ZC3HAV1: variants seen among roughly 807,000 people sequenced by gnomAD.
The protein encoded by ZC3HAV1 is zinc finger CCCH-type antiviral protein 1.
In ZC3HAV1, 41 loss-of-function variants were observed where a neutral mutation model predicts 86.6. That is an observed-to-expected ratio of 0.47 (90% CI 0.37 to 0.61). The LOEUF is 0.61. ZC3HAV1 is among the 20% of genes least tolerant of loss of function. The pLI is 0.00. For missense variants in ZC3HAV1, 964 were observed against 1,141.1 expected (o/e 0.84, Z 2.24); for synonymous variants, 421 against 432.1 (o/e 0.97, Z 0.32).
At chr7:139,068,756 T>C (rs574821149) in intron 7 of ZC3HAV1, among the ~76,000 whole-genome samples, 2 of 152,264 alleles carry the variant, frequency 1.3e-5, no homozygotes, top group African/African-American at 2.4e-5. Flanking sequence ...TGAACCCCGG[T>C]AGGTGGTGAA....
chr7:139,109,442 C>T lies in ZC3HAV1; in HGVS notation c.-111G>A. 2.9e-6 allele frequency: 4 copies of T among 1,362,574 alleles called. No homozygotes were observed. The highest frequency in any genetic ancestry group is 3.9e-6 in the Non-Finnish European group (4 of 1,037,342). 84.4% of individuals were successfully genotyped at this position (1,362,574 alleles called of 1,614,324 possible). A position where few individuals can be genotyped will look rare whatever the true frequency, so the allele number is the denominator to read the frequency against. ...GGGCGCGGGCGGTGCTACTGCTGGG[C>T]GCGCCCGGAGTCAGCGAGGGCGCGC... On this transcript the variant is annotated 5_prime_UTR_variant, in exon 1 of 13. Coordinates refer to ENST00000242351, the MANE Select transcript of ZC3HAV1 (RefSeq NM_020119.4).
intron 7 of ZC3HAV1, among the ~76,000 whole-genome samples, chr7:139,065,403 C>T (rs886882636): frequency 6.6e-6 from 1 of 152,224 alleles, no homozygotes; most frequent in Non-Finnish European, 1.5e-5. Context: ...GCTATTCTAG[C>T]CACGCACGGT....
In ZC3HAV1 at chr7:139,074,163, T is replaced by C; in HGVS notation, c.1698-133A>G. The C allele has an allele frequency of 3.7e-6, 3 of 801,886 alleles. No individual in the cohort carries two copies. In the South Asian group the frequency reaches 6.1e-5, roughly 16 times the overall value. 49.7% of individuals were successfully genotyped at this position (801,886 alleles called of 1,614,324 possible). On this transcript the variant is annotated intron_variant, in intron 6 of 12. Transcript: ENST00000242351. ...GATCTTCAAGTTTTCTTTCCATGGC[T>C]CCAGGTCCTACACATAAAAGAAAAA...
intron 11 of ZC3HAV1, 31 bp downstream of exon 11, chr7:139,053,934 T>G: frequency 6.3e-7 from 1 of 1,591,768 alleles, no homozygotes. Flanking sequence ...TCCGGTTTTA[T>G]GTAAAGAAAC....
chr7:139,092,406 A>C (rs1046492407), intron 1 of ZC3HAV1, among the ~76,000 whole-genome samples: 2 of 152,200 alleles, frequency 1.3e-5, no homozygotes, highest in African/African-American at 4.8e-5. Flanking sequence ...GGGTTAGTAA[A>C]AACAAGGTTG....
At position 139,047,642 on chromosome 7, in the gene ZC3HAV1, T is replaced by C; in HGVS notation, c.2661A>G (p.Pro887=). 2 of 1,614,090 alleles carry C rather than the reference T, an allele frequency of 1.2e-6. No individual in the cohort carries two copies. Among genetic ancestry groups the C allele is most frequent in the Non-Finnish European group, 1.7e-6 (2 of 1,180,016 alleles). The change falls in exon 13 of 13, where the codon CCA becomes CCG. Residue 887 remains proline, a synonymous_variant. Transcript: ENST00000242351. The stretch of plus-strand genomic sequence containing the variant: ...CTTCAGTATATTCAATCACATATTG[T>C]GGGTAAACCTGATCTTTCTGAAAGA... ...FVIFQKDQVY[P]QYVIEYTEDK... is the part of the protein sequence containing the mutation.
chr7:139,061,113 G>A lies in ZC3HAV1; in HGVS notation c.2019C>T (p.Ser673=). 6.2e-7 allele frequency: 1 copy of A among 1,613,432 alleles called. No homozygotes were observed. Among genetic ancestry groups the A allele is most frequent in the South Asian group, 1.1e-5 (1 of 91,042 alleles). Residue 673 remains serine (S), a synonymous_variant, in exon 9 of 13, where the codon TCC becomes TCT. Transcript: ENST00000242351. Reference sequence around the variant, plus strand: ...TTCTGATGACATCCTTTTGAGTTTTGGAAGCTATGTTTGTCTGAATCATCC... The same window carrying A: ...TTCTGATGACATCCTTTTGAGTTTTAGAAGCTATGTTTGTCTGAATCATCC... ...FQGMIQTNIA[S]KTQKDVIRRP...
chr7:139,047,674 A>G lies in ZC3HAV1; in HGVS notation c.2629T>C (p.Phe877Leu). 1 of 1,614,130 alleles carries G rather than the reference A, an allele frequency of 6.2e-7. No individual in the cohort carries two copies. The highest frequency in any genetic ancestry group is 8.5e-7 in the Non-Finnish European group (1 of 1,180,026). ...CVDTRSNPSV[F>L]VIFQKDQVYP... is the part of the protein sequence containing the mutation. Reference sequence around the variant, plus strand: ...ACCTGATCTTTCTGAAAGATGACAAAAACGGAGGGATTCGATCTGGTATCC... The same window carrying G: ...ACCTGATCTTTCTGAAAGATGACAAGAACGGAGGGATTCGATCTGGTATCC... Residue 877 changes from phenylalanine (F) to leucine (L), a missense_variant, in exon 13 of 13, where the codon TTT becomes CTT. By Grantham distance (22) the Phe-to-Leu change is conservative. Coordinates refer to ENST00000242351, the MANE Select transcript of ZC3HAV1 (RefSeq NM_020119.4).
rs1563123512 is a variant in ZC3HAV1 at position 139,054,056 on chromosome 7, C to T, written c.2227G>A (p.Val743Ile). The T allele has an allele frequency of 6.2e-7, 1 of 1,604,198 alleles. No individual in the cohort carries two copies. The highest frequency in any genetic ancestry group is 1.1e-5 in the South Asian group (1 of 88,266). ...IHHLHPEYVR[V>I]SEHFKASMKN... ...ATGGAAGCTTTAAAATGCTCACTTA[C>T]TCTGACATATTCTGGATGTAGGTGA... The change falls in exon 11 of 13, where the codon GTA becomes ATA. Residue 743 changes from valine (V) to isoleucine (I), a missense_variant. Val to Ile is a conservative substitution (Grantham distance 29, BLOSUM62 3). Transcript: ENST00000242351.
chr7:139,059,233 G>T (rs1428908626), intron 9 of ZC3HAV1, among the ~76,000 whole-genome samples: 1 of 152,128 alleles, frequency 6.6e-6, no homozygotes, highest in Non-Finnish European at 1.5e-5. Context: ...TCATCCACCA[G>T]AATGTAAGCT....
chr7:139,084,977 C>T (rs918359175), intron 2 of ZC3HAV1, among the ~76,000 whole-genome samples: 3 of 152,166 alleles, frequency 2.0e-5, no homozygotes, highest in African/African-American at 4.8e-5. Context: ...CATGGATAAT[C>T]GCTAAAACCT....
intron 3 of ZC3HAV1, among the ~76,000 whole-genome samples, chr7:139,083,248 G>A (rs553374740): frequency 2.7e-5 from 2 of 72,818 alleles, no homozygotes; most frequent in African/African-American, 9.2e-5. Flanking sequence ...TTAAACCTGG[G>A]GGGGGGGGCA....
chr7:139,065,793 A>C (rs746835724), intron 7 of ZC3HAV1, among the ~76,000 whole-genome samples: 3 of 151,952 alleles, frequency 2.0e-5, no homozygotes, highest in Non-Finnish European at 4.4e-5. Flanking sequence ...AGTCCCAGCT[A>C]CTCGGGAGGC....
intron 7 of ZC3HAV1, 145 bp downstream of exon 7, chr7:139,073,711 G>C: frequency 1.5e-6 from 1 of 654,664 alleles, no homozygotes; most frequent in Non-Finnish European, 2.2e-6. Context: ...GGCTGGTCTC[G>C]AACTCCTGAT....
chr7:139,078,984 C>A, intron 4 of ZC3HAV1: 1 of 1,398,128 alleles, frequency 7.2e-7, no homozygotes, highest in Non-Finnish European at 9.5e-7. Context: ...ACCCCATAAC[C>A]AAAACCCTCT....
At chr7:139,067,393 C>T (rs1016181614) in intron 7 of ZC3HAV1, among the ~76,000 whole-genome samples, 6 of 152,150 alleles carry the variant, frequency 3.9e-5, no homozygotes, top group South Asian at 2.1e-4. Context: ...TCAGGTGATC[C>T]GCCTGCCTTG....
intron 1 of ZC3HAV1, among the ~76,000 whole-genome samples, chr7:139,102,530 A>C (rs1345648546): frequency 6.6e-6 from 1 of 152,160 alleles, no homozygotes; most frequent in East Asian, 1.9e-4. Flanking sequence ...CTTCTCTAAA[A>C]TTGGTGGGGC....
chr7:139,098,597 T>G (rs554345004), intron 1 of ZC3HAV1, among the ~76,000 whole-genome samples: 2 of 152,002 alleles, frequency 1.3e-5, no homozygotes, highest in African/African-American at 4.8e-5. Flanking sequence ...AGCTCGGGAG[T>G]TTTAGATCAG....
At chr7:139,059,442 C>T (rs536615663) in intron 9 of ZC3HAV1, among the ~76,000 whole-genome samples, 5 of 152,082 alleles carry the variant, frequency 3.3e-5, no homozygotes, top group African/African-American at 1.2e-4. Context: ...CACGGTGAAA[C>T]CCTGTCTCTA....
Sources: gnomAD v4.1 joint callset for allele counts (sites outside exome capture counted in the v4.1 genomes callset) on GRCh38, gnomAD v4.1.1 for gene constraint, MANE v1.5 for transcripts, NCBI Gene and HGNC (gene_info 2026-07-23, HGNC 2026-07-21) for gene names.